The following ASIC2 variants were observed in gnomAD, a reference collection of about 807,000 sequenced individuals.
ASIC2 encodes acid-sensing ion channel 2.
ASIC2 carries 25 observed loss-of-function variants against 57.3 expected under a neutral mutation model. The ratio of observed to expected loss-of-function variants is 0.44; its 90% CI spans 0.32 to 0.61. The LOEUF is 0.61. Ranked by LOEUF, ASIC2 falls within the 20% of genes least tolerant of loss-of-function variation. The pLI, the probability that ASIC2 is intolerant of heterozygous loss-of-function variation, is 0.06. For missense variants in ASIC2, 641 were observed against 738.1 expected, an observed-to-expected ratio of 0.87 and a Z score of 1.52; for synonymous variants, 319 against 307.5, an observed-to-expected ratio of 1.04 and a Z score of -0.39.
Position 33,292,731 on chromosome 17 carries a change from G to A in ASIC2, c.-616C>T. 1.0e-6 allele frequency: 1 copy of A among 985,936 alleles called. No homozygotes were observed. The highest frequency in any genetic ancestry group is 1.2e-6 in the Non-Finnish European group (1 of 830,378). The allele number at this position is 985,936 out of a possible 1,614,324, so 61.1% of individuals were successfully genotyped here. A position where few individuals can be genotyped will look rare whatever the true frequency, so the allele number is the denominator to read the frequency against. ...GCGGGCGGGGTGGGTGTGTACGGGG[G>A]TGAGTGGTCGCCTTGCCGGCTGCCG... On this transcript the variant is annotated 5_prime_UTR_variant, in exon 1 of 10. Transcript: ENST00000225823.
chr17:33,846,868 A>C (rs317390), intron 1 of ASIC2, among the ~76,000 whole-genome samples: 1 of 151,858 alleles, frequency 6.6e-6, no homozygotes, highest in African/African-American at 2.4e-5. Context: ...TAACGTTTTA[A>C]GTCTACGGTC....
In ASIC2 at chr17:33,927,710, G is replaced by T. The variant is rs546873072; in HGVS notation, c.555+228268C>A. ...AAATGAGCAAATTGAGGCTCAGGGA[G>T]GTTAGATCACTTGCCCAGTGTCATT... is the stretch of plus-strand genomic sequence containing the variant. On this transcript the variant is annotated intron_variant, in intron 1 of 9. Transcript: ENST00000359872. Among the ~76,000 whole-genome samples the T allele has an allele frequency of 3.9e-5, 6 of 152,312 alleles. No individual in the cohort carries two copies. In the South Asian group the frequency reaches 1.2e-3, roughly 32 times the overall value.
intron 1 of ASIC2, among the ~76,000 whole-genome samples, chr17:33,326,725 G>A (rs1005794561): frequency 3.9e-5 from 6 of 152,140 alleles, no homozygotes; most frequent in Non-Finnish European, 2.9e-5. Flanking sequence ...TTCTTTATTC[G>A]TATTCAATTA....
intron 1 of ASIC2, among the ~76,000 whole-genome samples, chr17:34,061,226 G>T (rs1226593419): frequency 1.3e-5 from 2 of 151,788 alleles, no homozygotes; most frequent in Non-Finnish European, 2.9e-5. Context: ...TATCAGCCAA[G>T]AATTGTGTAC....
chr17:34,121,504 A>G (rs1911619259), intron 1 of ASIC2, among the ~76,000 whole-genome samples: 1 of 152,148 alleles, frequency 6.6e-6, no homozygotes, highest in South Asian at 2.1e-4. Context: ...ATGGAGCATT[A>G]GAAAGGCCTT....
intron 1 of ASIC2, chr17:34,079,151 G>C (rs1273699129): frequency 3.3e-5 from 5 of 152,176 alleles, no homozygotes; most frequent in African/African-American, 1.2e-4. Flanking sequence ...ATGCAATTCT[G>C]ATCATGTTAT....
intron 1 of ASIC2, among the ~76,000 whole-genome samples, chr17:33,514,774 A>G (rs1222993754): frequency 6.6e-6 from 1 of 152,202 alleles, no homozygotes; most frequent in African/African-American, 2.4e-5. Context: ...TCTGTCCTCT[A>G]CCTCATGGGC....
At chr17:33,606,896 T>C (rs1196334901) in intron 1 of ASIC2, among the ~76,000 whole-genome samples, 1 of 152,178 alleles carries the variant, frequency 6.6e-6, no homozygotes, top group African/African-American at 2.4e-5. Flanking sequence ...TCCCATTCTG[T>C]GGTCACAGTG....
At chr17:33,750,429 T>G (rs557888118) in intron 1 of ASIC2, among the ~76,000 whole-genome samples, 12 of 152,288 alleles carry the variant, frequency 7.9e-5, no homozygotes, top group African/African-American at 2.9e-4. Flanking sequence ...ATAAATTCAG[T>G]GCACTCAGGA....
intron 1 of ASIC2, among the ~76,000 whole-genome samples, chr17:33,626,341 A>T (rs967690217): frequency 3.9e-5 from 6 of 152,090 alleles, no homozygotes; most frequent in African/African-American, 1.4e-4. Context: ...CACGTATGTT[A>T]TTTTTTAATG....
chr17:33,836,735 C>T (rs546951349), intron 1 of ASIC2, among the ~76,000 whole-genome samples: 1 of 152,162 alleles, frequency 6.6e-6, no homozygotes, highest in African/African-American at 2.4e-5. Context: ...CGCCTGTAAT[C>T]CCAGCTACTC....
At chr17:33,510,066 G>A (rs919806075) in intron 1 of ASIC2, among the ~76,000 whole-genome samples, 1 of 152,206 alleles carries the variant, frequency 6.6e-6, no homozygotes, top group African/African-American at 2.4e-5. Context: ...GAGCAGTGAA[G>A]TGAGCATCTA....
chr17:33,640,122 G>A (rs1356256372), intron 1 of ASIC2, among the ~76,000 whole-genome samples: 1 of 152,066 alleles, frequency 6.6e-6, no homozygotes, highest in African/African-American at 2.4e-5. Flanking sequence ...TGGAGAGAAG[G>A]CTAAGGAGGT....
In ASIC2 at chr17:33,669,575, GTC is replaced by G. The variant is rs574933368; in HGVS notation, c.555+486401_555+486402del. 5.2e-4 allele frequency among the ~76,000 whole-genome samples: 79 copies of G among 152,232 alleles called. No individual in the cohort carries two copies. The East Asian group carries it at 5.2e-3, about 10-fold the overall frequency. ...TTATAACCTATTTAGCATTTCTGAG[GTC>G]TCTCTAGCTACACCACTGACCAGCT... On this transcript the variant is annotated intron_variant, in intron 1 of 9. Transcript: ENST00000359872.
At chr17:33,677,381 G>A (rs1044955245) in intron 1 of ASIC2, among the ~76,000 whole-genome samples, 1 of 152,148 alleles carries the variant, frequency 6.6e-6, no homozygotes, top group South Asian at 2.1e-4. Flanking sequence ...CATCTATTCT[G>A]CGCCCATGGA....
chr17:33,248,672 C>T (rs891839001), intron 1 of ASIC2, among the ~76,000 whole-genome samples: 16 of 152,288 alleles, frequency 1.1e-4, no homozygotes, highest in African/African-American at 3.1e-4. Context: ...TTCCAGCCTC[C>T]GGTGGCTCCA....
At chr17:33,969,390 G>A (rs1366768606) in intron 1 of ASIC2, among the ~76,000 whole-genome samples, 1 of 152,164 alleles carries the variant, frequency 6.6e-6, no homozygotes, top group African/African-American at 2.4e-5. Flanking sequence ...TAGCACAGAC[G>A]ATGTTGGTTC....
At chr17:34,116,081 T>C (rs1911416916) in intron 1 of ASIC2, among the ~76,000 whole-genome samples, 1 of 152,190 alleles carries the variant, frequency 6.6e-6, no homozygotes, top group Admixed American at 6.5e-5. Flanking sequence ...GTTGAGAGTA[T>C]AGACAACTCT....
intron 1 of ASIC2, among the ~76,000 whole-genome samples, chr17:33,871,811 G>T (rs149639184): frequency 6.6e-6 from 1 of 152,122 alleles, no homozygotes; most frequent in Non-Finnish European, 1.5e-5. Flanking sequence ...ATGAGCTGGC[G>T]GCAGACAGGC....
Sources: gnomAD v4.1 joint callset for allele counts (sites outside exome capture counted in the v4.1 genomes callset) on GRCh38, gnomAD v4.1.1 for gene constraint, MANE v1.5 for transcripts, NCBI Gene and HGNC (gene_info 2026-07-23, HGNC 2026-07-21) for gene names.